Variants in TMEM132D observed in about 807,000 individuals in gnomAD.
TMEM132D encodes mature OL transmembrane protein.
Under a neutral mutation model 62.3 loss-of-function variants are expected in TMEM132D, and 21 were observed. That is an observed-to-expected ratio of 0.34 (90% CI 0.24 to 0.49). TMEM132D has a LOEUF of 0.49. Among genes scored for constraint, TMEM132D ranks in the 20% least tolerant of loss-of-function variants. The probability of loss-of-function intolerance (pLI) is 0.99; values close to 1 mark genes in which losing one functional copy is unlikely to be tolerated. For synonymous variants in TMEM132D, 621 were observed against 575.6 expected, an observed-to-expected ratio of 1.08 and a Z score of -1.13; for missense variants, 1,346 against 1,402.8, an observed-to-expected ratio of 0.96 and a Z score of 0.65.
At chr12:129,550,264 A>G (rs1255121500) in intron 2 of TMEM132D, among the ~76,000 whole-genome samples, 1 of 152,160 alleles carries the variant, frequency 6.6e-6, no homozygotes, top group South Asian at 2.1e-4. Context: ...ACACTAAAAA[A>G]CCCTGAAAGA....
intron 1 of TMEM132D, among the ~76,000 whole-genome samples, chr12:129,863,615 G>A (rs949510572): frequency 6.6e-6 from 1 of 152,126 alleles, no homozygotes; most frequent in Non-Finnish European, 1.5e-5. Context: ...TAAAGCTTGT[G>A]TCCTAAGGGC....
At chr12:129,459,005 C>T (rs1480894404) in intron 3 of TMEM132D, among the ~76,000 whole-genome samples, 1 of 152,184 alleles carries the variant, frequency 6.6e-6, no homozygotes, top group Non-Finnish European at 1.5e-5. Context: ...TTTTGCTGAA[C>T]TAGATTTGGA....
intron 4 of TMEM132D, among the ~76,000 whole-genome samples, chr12:129,289,240 TAGAA>T (rs1881381340): frequency 6.6e-6 from 1 of 151,818 alleles, no homozygotes; most frequent in African/African-American, 2.4e-5. Flanking sequence ...GTTAAAAAGG[TAGAA>T]CTAATTTTAA....
intron 3 of TMEM132D, among the ~76,000 whole-genome samples, chr12:129,419,684 G>T (rs193112581): frequency 2.7e-4 from 41 of 152,242 alleles, no homozygotes; most frequent in East Asian, 2.5e-3. Flanking sequence ...ACAATGAAGA[G>T]AATACTAAAT....
chr12:129,523,475 G>A (rs928460544), intron 3 of TMEM132D, among the ~76,000 whole-genome samples: 2 of 152,192 alleles, frequency 1.3e-5, no homozygotes, highest in Non-Finnish European at 2.9e-5. Context: ...TGTAGCTGTA[G>A]CAAGAGAAGC....
intron 5 of TMEM132D, among the ~76,000 whole-genome samples, chr12:129,200,687 G>A (rs1878679098): frequency 1.3e-5 from 2 of 152,192 alleles, no homozygotes; most frequent in African/African-American, 4.8e-5. Context: ...GCGCCCAGCT[G>A]GATTGCAGAA....
intron 2 of TMEM132D, among the ~76,000 whole-genome samples, chr12:129,605,587 T>TTATATATATATATATAATGTA (rs1555221321): frequency 2.8e-5 from 3 of 107,384 alleles, no homozygotes; most frequent in Non-Finnish European, 5.6e-5. Context: ...AAATTAGGCA[T>TTATATATATATATATAATGTA]TATATATATA....
At chr12:129,226,343 C>A (rs112621955) in intron 4 of TMEM132D, among the ~76,000 whole-genome samples, 192 of 152,376 alleles carry the variant, frequency 1.3e-3, no homozygotes, top group African/African-American at 4.4e-3. Flanking sequence ...CCTTGAGCAT[C>A]TCTTCTCATG....
At chr12:129,488,415 G>A (rs981146511) in intron 3 of TMEM132D, among the ~76,000 whole-genome samples, 2 of 152,176 alleles carry the variant, frequency 1.3e-5, no homozygotes, top group African/African-American at 4.8e-5. Context: ...GCTCAGGCCT[G>A]TAACCCTAGC....
chr12:129,845,495 C>T (rs1445900321), intron 1 of TMEM132D, among the ~76,000 whole-genome samples: 1 of 152,222 alleles, frequency 6.6e-6, no homozygotes, highest in African/African-American at 2.4e-5. Context: ...ACTATACTTG[C>T]TCTTTCTCTT....
Position 129,196,085 on chromosome 12 carries a change from C to T in TMEM132D, c.1443+13435G>A, listed in dbSNP as rs955658952. ...GAGGCTACAGTGAGCTGAGATGGCG[C>T]CACTGCACTCCAACCTGGGCGACAG... On this transcript the variant is annotated intron_variant, in intron 5 of 8. Transcript: ENST00000422113. Among the ~76,000 whole-genome samples, 52 of 152,134 alleles carry T rather than the reference C, an allele frequency of 3.4e-4. 1 individual carries two copies. The highest frequency in any genetic ancestry group is 1.0e-3 in the African/African-American group (43 of 41,490).
intron 5 of TMEM132D, among the ~76,000 whole-genome samples, chr12:129,165,299 T>A (rs1877511982): frequency 6.6e-6 from 1 of 152,220 alleles, no homozygotes; most frequent in East Asian, 1.9e-4. Flanking sequence ...TGCAAAGGTG[T>A]ACACGTGTCT....
chr12:129,652,161 C>G (rs1018783797), intron 2 of TMEM132D, among the ~76,000 whole-genome samples: 1 of 152,190 alleles, frequency 6.6e-6, no homozygotes, highest in Non-Finnish European at 1.5e-5. Flanking sequence ...TGCTTTGAAT[C>G]AAGTCAGTAC....
chr12:129,616,868 T>C lies in TMEM132D; in HGVS notation c.968+82942A>G, dbSNP rs541999775. On this transcript the variant is annotated intron_variant, in intron 2 of 8. Transcript: ENST00000422113. ...TTGTGTTTTTTGTTATTGTTGAAGT[T>C]TGTTCTGTATGAGCAAAAGCTGATG... Among the ~76,000 whole-genome samples the C allele has an allele frequency of 9.2e-5, 14 of 152,348 alleles. No homozygotes were observed. In the South Asian group the frequency reaches 2.7e-3, roughly 29 times the overall value.
chr12:129,694,966 C>T (rs959758621), intron 2 of TMEM132D, among the ~76,000 whole-genome samples: 27 of 152,086 alleles, frequency 1.8e-4, no homozygotes, highest in African/African-American at 6.5e-4. Context: ...CGAGACCACG[C>T]CATTGCACTC....
At chr12:129,340,435 C>A (rs1282184477) in intron 3 of TMEM132D, among the ~76,000 whole-genome samples, 3 of 151,978 alleles carry the variant, frequency 2.0e-5, no homozygotes, top group African/African-American at 7.3e-5. Flanking sequence ...TTAGGTATAT[C>A]TCCTAATGCT....
chr12:129,092,610 G>T (rs542415955), intron 5 of TMEM132D, among the ~76,000 whole-genome samples: 1 of 152,092 alleles, frequency 6.6e-6, no homozygotes, highest in East Asian at 1.9e-4. Flanking sequence ...AAGGAGAATC[G>T]CTTGAACTCA....
chr12:129,810,976 A>T (rs1414564933), intron 1 of TMEM132D, among the ~76,000 whole-genome samples: 2 of 152,098 alleles, frequency 1.3e-5, no homozygotes, highest in African/African-American at 4.8e-5. Context: ...AAATAAGATC[A>T]TTCAACAAGG....
intron 4 of TMEM132D, among the ~76,000 whole-genome samples, chr12:129,322,160 A>G (rs1386440757): frequency 6.6e-6 from 1 of 150,498 alleles, no homozygotes; most frequent in Admixed American, 6.6e-5. Context: ...TTTTCAATCT[A>G]TCCATACGTG....
Sources: gnomAD v4.1 joint callset for allele counts (sites outside exome capture counted in the v4.1 genomes callset) on GRCh38, gnomAD v4.1.1 for gene constraint, MANE v1.5 for transcripts, NCBI Gene and HGNC (gene_info 2026-07-23, HGNC 2026-07-21) for gene names.